The following PRKCB variants were observed in gnomAD, a reference collection of about 807,000 sequenced individuals.
The protein encoded by PRKCB is protein kinase C beta type.
A neutral mutation model predicts 81.5 loss-of-function variants in PRKCB; 13 were observed. That is an observed-to-expected ratio of 0.16 (90% CI 0.10 to 0.25). PRKCB has a LOEUF of 0.25. Among genes scored for constraint, PRKCB ranks in the 10% least tolerant of loss-of-function variants. The pLI is 1.00. For synonymous variants in PRKCB, 335 were observed against 321.4 expected (o/e 1.04, Z -0.45); for missense variants, 509 against 875.7 (o/e 0.58, Z 5.29).
chr16:23,837,248 C>CTACCCCCACAAAGGCGGAAAA, intron 1 of PRKCB, 127 bp from the exon 2 acceptor site: 2 of 1,208,600 alleles, frequency 1.7e-6, no homozygotes, highest in Non-Finnish European at 2.4e-6. Context: ...TCTTGGGCAC[C>CTACCCCCACAAAGGCGGAAAA]CGCCTGTGGC....
intron 5 of PRKCB, among the ~76,000 whole-genome samples, chr16:24,071,745 C>G (rs1010535992): frequency 3.3e-5 from 5 of 152,048 alleles, no homozygotes; most frequent in Admixed American, 2.6e-4. Context: ...TTACAGGGAA[C>G]AGCCGGCAGC....
At chr16:24,125,883 C>T (rs1966843294) in intron 9 of PRKCB, among the ~76,000 whole-genome samples, 1 of 152,134 alleles carries the variant, frequency 6.6e-6, no homozygotes, top group Admixed American at 6.5e-5. Context: ...AGTAAGATGG[C>T]CCATCCAGTC....
At chr16:23,881,559 C>T (rs903471847) in intron 2 of PRKCB, among the ~76,000 whole-genome samples, 3 of 152,014 alleles carry the variant, frequency 2.0e-5, no homozygotes, top group Admixed American at 6.6e-5. Flanking sequence ...GGCCCATTCC[C>T]GTTTTTTAAA....
At chr16:23,942,071 C>T (rs1436323203) in intron 2 of PRKCB, among the ~76,000 whole-genome samples, 2 of 152,104 alleles carry the variant, frequency 1.3e-5, no homozygotes, top group African/African-American at 2.4e-5. Context: ...ACATGTCAAC[C>T]AAAATCAATA....
chr16:24,063,205 CCT>C (rs1462762802), intron 5 of PRKCB, among the ~76,000 whole-genome samples: 1 of 151,966 alleles, frequency 6.6e-6, no homozygotes, highest in Non-Finnish European at 1.5e-5. Flanking sequence ...TCCCTTTAAC[CCT>C]GTCTTCACAT....
chr16:24,117,881 T>C (rs1966752866), intron 8 of PRKCB, among the ~76,000 whole-genome samples: 1 of 152,124 alleles, frequency 6.6e-6, no homozygotes, highest in African/African-American at 2.4e-5. Flanking sequence ...AGCTGAGGGG[T>C]TATCCGTCGG....
chr16:23,956,644 C>T (rs965916126), intron 2 of PRKCB, among the ~76,000 whole-genome samples: 4 of 152,032 alleles, frequency 2.6e-5, no homozygotes, highest in African/African-American at 9.7e-5. Flanking sequence ...AATGTTGTGC[C>T]AATTTATGCA....
At chr16:24,073,928 G>A (rs967412012) in intron 5 of PRKCB, among the ~76,000 whole-genome samples, 2 of 152,056 alleles carry the variant, frequency 1.3e-5, no homozygotes, top group Non-Finnish European at 2.9e-5. Flanking sequence ...GGATCACGAG[G>A]TCAGGAGATC....
intron 10 of PRKCB, among the ~76,000 whole-genome samples, chr16:24,168,497 A>C (rs1397320143): frequency 2.1e-5 from 3 of 146,262 alleles, no homozygotes; most frequent in African/African-American, 7.5e-5. Flanking sequence ...GCATGCACTG[A>C]TAATTTCCAT....
intron 16 of PRKCB, among the ~76,000 whole-genome samples, chr16:24,209,589 T>C (rs1424005031): frequency 6.6e-6 from 1 of 152,060 alleles, no homozygotes; most frequent in Non-Finnish European, 1.5e-5. Flanking sequence ...CTTCCTCACA[T>C]ACCCCACACC....
chr16:23,844,221 T>A (rs1441404655), intron 2 of PRKCB, among the ~76,000 whole-genome samples: 2 of 152,250 alleles, frequency 1.3e-5, no homozygotes, highest in Non-Finnish European at 2.9e-5. Flanking sequence ...ATAACATGAA[T>A]TCTTTGACTT....
At chr16:23,994,359 A>C (rs1406901182) in intron 3 of PRKCB, among the ~76,000 whole-genome samples, 5 of 152,224 alleles carry the variant, frequency 3.3e-5, no homozygotes, top group Non-Finnish European at 5.9e-5. Context: ...ATTAGAATAG[A>C]CATACTTAGC....
At chr16:23,865,463 C>T (rs1326928165) in intron 2 of PRKCB, among the ~76,000 whole-genome samples, 4 of 54,302 alleles carry the variant, frequency 7.4e-5, no homozygotes, top group African/African-American at 7.3e-5. Flanking sequence ...CAACAATGCC[C>T]GGCATATATA....
rs35164034 is a variant in PRKCB, at chr16:24,073,865, G to A, written c.530-18926G>A. On this transcript the variant is annotated intron_variant, in intron 5 of 16. Coordinates refer to ENST00000643927, the MANE Select transcript of PRKCB (RefSeq NM_002738.7). ...CTCTATAGAAGAGCAAGTGATGGCC[G>A]GGCGTGGTGGCTCACGCCTGTAATC... 3.8e-3 allele frequency among the ~76,000 whole-genome samples: 582 copies of A among 152,200 alleles called. 2 individuals are homozygous for A. Among genetic ancestry groups the A allele is most frequent in the Non-Finnish European group, 5.9e-3 (400 of 67,998 alleles).
At chr16:24,149,025 G>C (rs927593843) in intron 9 of PRKCB, among the ~76,000 whole-genome samples, 2 of 152,200 alleles carry the variant, frequency 1.3e-5, no homozygotes, top group African/African-American at 2.4e-5. Flanking sequence ...TCACTGGTTG[G>C]TTGTGGCTTG....
intron 2 of PRKCB, among the ~76,000 whole-genome samples, chr16:23,925,538 C>T (rs1963884419): frequency 6.6e-6 from 1 of 152,080 alleles, no homozygotes. Flanking sequence ...TTGACATTGT[C>T]TTGTCAGCCT....
chr16:24,085,150 A>G (rs900837469), intron 5 of PRKCB, among the ~76,000 whole-genome samples: 1 of 6,364 alleles, frequency 1.6e-4, no homozygotes. Flanking sequence ...TGATGAAATG[A>G]AAAAAAAAAA....
rs1398513560 is a variant in PRKCB, at chr16:24,020,972, TTCTTTTTCTTTCTTTCTTTCTTTC to T, written c.289-11162_289-11139del. Reference sequence around the variant, plus strand: ...AGCCCATTCAGACTGAGAGAGACTTTTCTTTTTCTTTCTTTCTTTCTTTCTTTCTTTCTTTCTTTCTTTCTTTCT... The same window carrying T: ...AGCCCATTCAGACTGAGAGAGACTTTTTTCTTTCTTTCTTTCTTTCTTTCT... On this transcript the variant is annotated intron_variant, in intron 3 of 16. Coordinates refer to ENST00000643927, the MANE Select transcript of PRKCB (RefSeq NM_002738.7). Among the ~76,000 whole-genome samples the T allele has an allele frequency of 3.1e-5, 3 of 98,230 alleles. 1 individual carries two copies. Among genetic ancestry groups the T allele is most frequent in the African/African-American group, 1.2e-4 (3 of 25,492 alleles). 64.4% of individuals were successfully genotyped at this position (98,230 alleles called of 152,430 possible).
At position 23,939,637 on chromosome 16, in the gene PRKCB, A is replaced by T. The variant is rs539977244; in HGVS notation, c.206-48871A>T. Among the ~76,000 whole-genome samples, 7 of 152,322 alleles carry T rather than the reference A, an allele frequency of 4.6e-5. No individual in the cohort carries two copies. The South Asian group carries it at 1.5e-3, about 32-fold the overall frequency. On this transcript the variant is annotated intron_variant, in intron 2 of 16. Transcript: ENST00000643927. The stretch of plus-strand genomic sequence containing the variant: ...ATTTTCAACACATAGTGCTAGAACA[A>T]TTGGATATTTATTGGCCAAAAAATG...
Sources: gnomAD v4.1 joint callset for allele counts (sites outside exome capture counted in the v4.1 genomes callset) on GRCh38, gnomAD v4.1.1 for gene constraint, MANE v1.5 for transcripts, NCBI Gene and HGNC (gene_info 2026-07-23, HGNC 2026-07-21) for gene names.